Variants in SLC36A1 observed in about 807,000 individuals in gnomAD.
SLC36A1 encodes proton-coupled amino acid transporter 1.
Under a neutral mutation model 47.5 loss-of-function variants are expected in SLC36A1, and 30 were observed. The observed-to-expected ratio is 0.63, with a 90% CI of 0.47 to 0.86. The LOEUF is 0.86. Ranked by LOEUF, SLC36A1 falls within the 40% of genes least tolerant of loss-of-function variation. The pLI, the probability that SLC36A1 is intolerant of heterozygous loss-of-function variation, is 0.00. For missense variants in SLC36A1, 517 were observed against 606.0 expected, an observed-to-expected ratio of 0.85 and a Z score of 1.54; for synonymous variants, 255 against 249.7, an observed-to-expected ratio of 1.02 and a Z score of -0.20.
chr5:151,384,856 T>A, the SLC36A1 span, among the ~76,000 whole-genome samples: 3 of 152,178 alleles, frequency 2.0e-5, no homozygotes, highest in Non-Finnish European at 4.4e-5. Context: ...CATGAAGCCA[T>A]TTTGCTGAAC....
Position 151,439,578 on chromosome 5 carries a change from G to A in SLC36A1, c.-6+2399G>A, listed in dbSNP as rs562440311. Among the ~76,000 whole-genome samples the A allele has an allele frequency of 6.6e-5, 10 of 151,764 alleles. No homozygotes were observed. The South Asian group carries it at 1.5e-3, about 22-fold the overall frequency. ...TGAAGCAGGAGAATTGCTTGAACTC[G>A]GAAGGTGGAGGTGGCAGTGAGCTGA... On this transcript the variant is annotated intron_variant, in intron 1 of 8. Transcript: ENST00000429484.
chr5:151,550,442 T>G, the SLC36A1 span: 1 of 861,266 alleles, frequency 1.2e-6, no homozygotes. Flanking sequence ...TTATGGAAGG[T>G]GCCCTTAGCC....
chr5:151,378,430 G>C, the SLC36A1 span: 1 of 190,240 alleles, frequency 5.3e-6, no homozygotes, highest in African/African-American at 2.3e-5. Flanking sequence ...ATTTGATCTT[G>C]CTGCCAAACA....
the SLC36A1 span, chr5:151,554,397 T>C: frequency 5.0e-6 from 8 of 1,614,210 alleles, no homozygotes; most frequent in Non-Finnish European, 6.8e-6. Context: ...GTAAAAGTGC[T>C]GCTGGATGAA....
chr5:151,351,018 G>A, the SLC36A1 span, among the ~76,000 whole-genome samples: 7 of 152,292 alleles, frequency 4.6e-5, no homozygotes, highest in African/African-American at 1.4e-4. Flanking sequence ...ACCACTCTGT[G>A]CTTTGGTGTT....
the SLC36A1 span, among the ~76,000 whole-genome samples, chr5:151,397,001 A>G: frequency 2.0e-5 from 3 of 152,256 alleles, no homozygotes; most frequent in African/African-American, 7.2e-5. Context: ...GTGACCCACC[A>G]TCACTGTTAG....
Position 151,467,264 on chromosome 5 carries a change from T to C in SLC36A1, c.485T>C (p.Leu162Pro), listed in dbSNP as rs757717990. Residue 162 changes from leucine (L) to proline (P), a missense_variant, in exon 6 of 11, where the codon CTG becomes CCG. Physicochemically the swap from Leu to Pro is moderately conservative, Grantham distance 98. Coordinates refer to ENST00000243389, the MANE Select transcript of SLC36A1 (RefSeq NM_078483.4). ...TTCTGCTGTGTCTATTTTGTGTTTCTGGCTGACAACTTTAAACAGGTAGGC... is the reference window on the plus strand; with the variant it reads ...TTCTGCTGTGTCTATTTTGTGTTTCCGGCTGACAACTTTAAACAGGTAGGC... The part of the protein sequence containing the change: ...LGFCCVYFVF[L>P]ADNFKQVIEA... 1.9e-6 allele frequency: 3 copies of C among 1,604,956 alleles called. No individual in the cohort carries two copies. Among genetic ancestry groups the C allele is most frequent in the East Asian group, 4.5e-5 (2 of 44,544 alleles).
Position 151,488,288 on chromosome 5 carries a change from T to C in SLC36A1, c.*34T>C, listed in dbSNP as rs370080014. 436 of 1,604,416 alleles carry C rather than the reference T, an allele frequency of 2.7e-4. No individual in the cohort carries two copies. Among genetic ancestry groups the C allele is most frequent in the Non-Finnish European group, 3.4e-4 (401 of 1,174,348 alleles). On this transcript the variant is annotated 3_prime_UTR_variant, in exon 11 of 11. Transcript: ENST00000243389. ...GTTCGTCTCTGCAGCTGCCTACCCCTGCCCCATGTGTCCCCCGTTACCTGT... is the reference window on the plus strand; with the variant it reads ...GTTCGTCTCTGCAGCTGCCTACCCCCGCCCCATGTGTCCCCCGTTACCTGT...
the SLC36A1 span, among the ~76,000 whole-genome samples, chr5:151,521,020 T>C: frequency 6.6e-6 from 1 of 152,250 alleles, no homozygotes; most frequent in South Asian, 2.1e-4. Flanking sequence ...CAGCCTATGC[T>C]CTTAGCCATG....
chr5:151,399,945 G>A, the SLC36A1 span, among the ~76,000 whole-genome samples: 2 of 152,058 alleles, frequency 1.3e-5, no homozygotes, highest in African/African-American at 4.8e-5. Flanking sequence ...TCCATGCTTC[G>A]TAGGTATTAT....
At chr5:151,453,536 ATCC>A (rs1467032442) in intron 1 of SLC36A1, among the ~76,000 whole-genome samples, 1 of 152,116 alleles carries the variant, frequency 6.6e-6, no homozygotes, top group East Asian at 1.9e-4. Flanking sequence ...ATTGATCTTA[ATCC>A]TCCTTTATTT....
chr5:151,505,905 G>A, the SLC36A1 span: 3 of 1,592,328 alleles, frequency 1.9e-6, no homozygotes, highest in Non-Finnish European at 2.6e-6. Context: ...TGGGAGAGGT[G>A]CCCGCTTGTT....
At chr5:151,553,913 A>G in the SLC36A1 span, among the ~76,000 whole-genome samples, 3 of 152,210 alleles carry the variant, frequency 2.0e-5, no homozygotes, top group African/African-American at 7.2e-5. Flanking sequence ...GCTAGCAATG[A>G]GACTGGGGTT....
At chr5:151,381,461 T>G in the SLC36A1 span, 2 of 161,846 alleles carry the variant, frequency 1.2e-5, no homozygotes, top group Non-Finnish European at 1.3e-5. Flanking sequence ...GTTTGCAGTT[T>G]ATAGTTTAAA....
At chr5:151,446,650 A>G (rs944001398), upstream of SLC36A1, among the ~76,000 whole-genome samples, 4 of 152,218 alleles carry the variant, frequency 2.6e-5, no homozygotes, top group African/African-American at 9.6e-5. Context: ...ATATGATTTC[A>G]ATCTTCTTAA....
Position 151,488,363 on chromosome 5 carries a change from GTGT to G in SLC36A1, c.*110_*112del. On this transcript the variant is annotated 3_prime_UTR_variant, in exon 11 of 11. Coordinates refer to ENST00000243389, the MANE Select transcript of SLC36A1 (RefSeq NM_078483.4). ...GGCTCTGAGGAAAGTCAGGGTTGCT[GTGT>G]GGGAACCCCTCTGCCTGGCACCTGG... is the stretch of plus-strand genomic sequence containing the variant. 7.2e-7 allele frequency: 1 copy of G among 1,392,582 alleles called. No homozygotes were observed. Among genetic ancestry groups the G allele is most frequent in the African/African-American group, 1.4e-5 (1 of 69,268 alleles). The allele number at this position is 1,392,582 out of a possible 1,614,324, so 86.3% of individuals were successfully genotyped here.
chr5:151,479,721 A>G (rs1372111270), intron 10 of SLC36A1: 1 of 552,580 alleles, frequency 1.8e-6, no homozygotes, highest in Non-Finnish European at 3.2e-6. Context: ...ATGTATAGAT[A>G]GGGTATGAAA....
rs1293053140 is a variant in SLC36A1 at position 151,447,829 on chromosome 5, C to T, written c.-6+16C>T. On this transcript the variant is annotated intron_variant, in intron 1 of 10. Transcript: ENST00000243389. ...GATGCTCCAGGTCAGGCACTGGATC[C>T]GCCCGGGCTGTGGGTCCGCGACTCC... 2 of 152,284 alleles carry T rather than the reference C, an allele frequency of 1.3e-5. No individual in the cohort carries two copies. The highest frequency in any genetic ancestry group is 2.4e-5 in the African/African-American group (1 of 41,468). 9.4% of individuals were successfully genotyped at this position (152,284 alleles called of 1,614,324 possible).
chr5:151,516,749 T>C, the SLC36A1 span, among the ~76,000 whole-genome samples: 1 of 152,170 alleles, frequency 6.6e-6, no homozygotes, highest in Non-Finnish European at 1.5e-5. Flanking sequence ...TAGTAGATGC[T>C]CAATAAATCT....
Sources: gnomAD v4.1 joint callset for allele counts (sites outside exome capture counted in the v4.1 genomes callset) on GRCh38, gnomAD v4.1.1 for gene constraint, MANE v1.5 for transcripts, NCBI Gene and HGNC (gene_info 2026-07-23, HGNC 2026-07-21) for gene names.